Variants in KHDRBS2 observed in about 807,000 individuals in gnomAD.
KHDRBS2 encodes KH RNA binding domain containing, signal transduction associated 2.
KHDRBS2 carries 26 observed loss-of-function variants against 44.3 expected under a neutral mutation model. The ratio of observed to expected loss-of-function variants is 0.59; its 90% confidence interval spans 0.43 to 0.81. KHDRBS2 has a LOEUF of 0.81. Ranked by LOEUF, KHDRBS2 falls within the 40% of genes least tolerant of loss-of-function variation. The pLI is 0.00. For missense variants in KHDRBS2, 476 were observed against 433.1 expected, an observed-to-expected ratio of 1.10 and a Z score of -0.88; for synonymous variants, 194 against 151.1, an observed-to-expected ratio of 1.28 and a Z score of -2.08.
intron 6 of KHDRBS2, among the ~76,000 whole-genome samples, chr6:61,854,050 T>C (rs1795822853): frequency 6.6e-6 from 1 of 152,174 alleles, no homozygotes; most frequent in Non-Finnish European, 1.5e-5. Context: ...GCCACAGTTA[T>C]ATATCTGTTT....
intron 1 of KHDRBS2, among the ~76,000 whole-genome samples, chr6:62,177,546 A>G (rs1279613733): frequency 2.0e-5 from 2 of 100,174 alleles, no homozygotes; most frequent in African/African-American, 3.1e-5. Context: ...TGAAGATGTG[A>G]CTGTGTCTTC....
At chr6:61,866,012 T>A (rs1797737751) in intron 6 of KHDRBS2, among the ~76,000 whole-genome samples, 1 of 152,192 alleles carries the variant, frequency 6.6e-6, no homozygotes, top group Non-Finnish European at 1.5e-5. Flanking sequence ...GTCTCCAGCT[T>A]CCAGGTGCAC....
At chr6:61,776,050 C>A (rs1007479713) in intron 6 of KHDRBS2, among the ~76,000 whole-genome samples, 1 of 152,168 alleles carries the variant, frequency 6.6e-6, no homozygotes, top group Non-Finnish European at 1.5e-5. Context: ...AAAGGATTCC[C>A]TATTTAATAA....
At chr6:62,115,785 T>C (rs990981157) in intron 2 of KHDRBS2, among the ~76,000 whole-genome samples, 1 of 152,110 alleles carries the variant, frequency 6.6e-6, no homozygotes, top group African/African-American at 2.4e-5. Context: ...TAGATACAAA[T>C]TTACTTTTTT....
the KHDRBS2 span, among the ~76,000 whole-genome samples, chr6:61,560,250 C>T: frequency 6.6e-6 from 1 of 152,022 alleles, no homozygotes; most frequent in African/African-American, 2.4e-5. Context: ...TTAACTTTGA[C>T]CTTTAGAAGA....
intron 1 of KHDRBS2, among the ~76,000 whole-genome samples, chr6:62,238,078 T>G (rs1173913152): frequency 6.6e-6 from 1 of 151,064 alleles, no homozygotes; most frequent in Non-Finnish European, 1.5e-5. Flanking sequence ...AAAATTGATA[T>G]AGTTTCTTGG....
chr6:61,874,981 AG>A (rs1799210607), intron 6 of KHDRBS2, among the ~76,000 whole-genome samples: 3 of 152,252 alleles, frequency 2.0e-5, no homozygotes, highest in Admixed American at 2.0e-4. Flanking sequence ...AATAAACACT[AG>A]CATGTCCTCG....
intron 1 of KHDRBS2, among the ~76,000 whole-genome samples, chr6:62,191,813 C>A (rs1277622386): frequency 6.6e-6 from 1 of 152,046 alleles, no homozygotes; most frequent in African/African-American, 2.4e-5. Flanking sequence ...TTTATTTCCA[C>A]AAAATGCAAT....
chr6:62,042,603 A>G (rs1477149445), intron 3 of KHDRBS2, among the ~76,000 whole-genome samples: 1 of 152,104 alleles, frequency 6.6e-6, no homozygotes, highest in Non-Finnish European at 1.5e-5. Flanking sequence ...ATGCTGTTTG[A>G]TGTTAGGCAG....
At chr6:62,122,287 G>A (rs775184543) in intron 2 of KHDRBS2, among the ~76,000 whole-genome samples, 2 of 152,234 alleles carry the variant, frequency 1.3e-5, no homozygotes, top group Non-Finnish European at 2.9e-5. Context: ...GCCATCTTCT[G>A]CAGATAACCA....
chr6:61,997,263 G>A (rs1777371997), intron 3 of KHDRBS2, among the ~76,000 whole-genome samples: 1 of 152,172 alleles, frequency 6.6e-6, no homozygotes, highest in Non-Finnish European at 1.5e-5. Context: ...TCACAGGAAA[G>A]AGAAAATAAC....
chr6:61,639,548 C>G, the KHDRBS2 span, among the ~76,000 whole-genome samples: 1 of 152,042 alleles, frequency 6.6e-6, no homozygotes, highest in Non-Finnish European at 1.5e-5. Context: ...AAGGCCACCC[C>G]TCATCTTCCA....
At chr6:61,667,858 A>G in the KHDRBS2 span, among the ~76,000 whole-genome samples, 1 of 151,246 alleles carries the variant, frequency 6.6e-6, no homozygotes, top group Non-Finnish European at 1.5e-5. Flanking sequence ...ATGGAAAATT[A>G]TGTGGATTCA....
the KHDRBS2 span, among the ~76,000 whole-genome samples, chr6:61,631,484 A>G: frequency 2.1e-4 from 32 of 152,040 alleles, no homozygotes; most frequent in African/African-American, 7.2e-4. Flanking sequence ...AATATCAAAT[A>G]TGTCTTTGTG....
intron 6 of KHDRBS2, among the ~76,000 whole-genome samples, chr6:61,861,678 A>G (rs1384179855): frequency 6.7e-6 from 1 of 148,238 alleles, no homozygotes; most frequent in African/African-American, 2.5e-5. Context: ...TTTTCTTAGG[A>G]TTGCCTTGGC....
At chr6:62,064,837 A>G (rs1381862900) in intron 2 of KHDRBS2, among the ~76,000 whole-genome samples, 1 of 151,156 alleles carries the variant, frequency 6.6e-6, no homozygotes, top group Admixed American at 6.6e-5. Flanking sequence ...CATCAGAGTG[A>G]ACAGGCAACC....
At chr6:62,265,102 CAG>C (rs1227433659) in intron 1 of KHDRBS2, among the ~76,000 whole-genome samples, 1 of 151,886 alleles carries the variant, frequency 6.6e-6, no homozygotes, top group African/African-American at 2.4e-5. Flanking sequence ...CACAAACTAT[CAG>C]AGAACTATTA....
intron 4 of KHDRBS2, among the ~76,000 whole-genome samples, chr6:61,907,556 TTCTA>T (rs1292876143): frequency 5.9e-5 from 9 of 152,336 alleles, no homozygotes; most frequent in Non-Finnish European, 1.2e-4. Flanking sequence ...CATTTAAGTC[TTCTA>T]TCTATTTTGA....
the KHDRBS2 span, among the ~76,000 whole-genome samples, chr6:61,628,565 C>T: frequency 6.6e-6 from 1 of 152,128 alleles, no homozygotes; most frequent in African/African-American, 2.4e-5. Context: ...ACTTTGCTTA[C>T]TCTCAAACAC....
Sources: gnomAD v4.1 joint callset for allele counts (sites outside exome capture counted in the v4.1 genomes callset) on GRCh38, gnomAD v4.1.1 for gene constraint, MANE v1.5 for transcripts, NCBI Gene and HGNC (gene_info 2026-07-23, HGNC 2026-07-21) for gene names.